The following GRXCR2 variants were observed in gnomAD, a reference collection of about 807,000 sequenced individuals.
GRXCR2 encodes the protein glutaredoxin domain-containing cysteine-rich protein 2.
A neutral mutation model predicts 24.8 loss-of-function variants in GRXCR2; 23 were observed. That is an observed-to-expected ratio of 0.93 (90% CI 0.67 to 1.32). The LOEUF (loss-of-function observed/expected upper bound fraction) is 1.32, where lower values mean the gene tolerates loss of function less well. Ranked by LOEUF, GRXCR2 falls within the 40% of genes most tolerant of loss-of-function variation. The pLI is 0.00. For synonymous variants in GRXCR2, 130 were observed against 116.1 expected (o/e 1.12, Z -0.77); for missense variants, 315 against 303.4 (o/e 1.04, Z -0.28).
At chr5:145,927,418 A>G (rs1449751555) in intron 2 of GRXCR2, among the ~76,000 whole-genome samples, 4 of 152,150 alleles carry the variant, frequency 2.6e-5, no homozygotes, top group African/African-American at 9.7e-5. Context: ...TAACTAATTT[A>G]TTGAGAGTTT....
chr5:145,863,651 A>G (rs1373327099), intron 2 of GRXCR2, among the ~76,000 whole-genome samples: 1 of 152,130 alleles, frequency 6.6e-6, no homozygotes. Context: ...GCCTGCTGCC[A>G]GGTTAGGTTC....
intron 2 of GRXCR2, among the ~76,000 whole-genome samples, chr5:145,899,333 CA>C (rs1450159158): frequency 6.6e-6 from 1 of 152,068 alleles, no homozygotes; most frequent in Non-Finnish European, 1.5e-5. Flanking sequence ...CCTTATTGCC[CA>C]AAGCAATCTA....
rs776292091 is a variant in GRXCR2, at chr5:145,866,541, AC to A, written c.523del (p.Val175TrpfsTer56). On this transcript the variant is annotated frameshift_variant, in exon 2 of 3. Coordinates refer to ENST00000377976, the MANE Select transcript of GRXCR2 (RefSeq NM_001080516.2). LOFTEE classifies it high-confidence loss of function. ...TTGGGGTAATGTGCTTTCTGCCTCC[AC>A]CAAAGGTCTATCGTGCTGGTCCCTG... The part of the protein sequence containing the change: ...GGRDQHDRPL[V>X]EAESTLPQNR... 3 of 1,614,130 alleles carry A rather than the reference AC, an allele frequency of 1.9e-6. No individual in the cohort carries two copies. Among genetic ancestry groups the A allele is most frequent in the Non-Finnish European group, 1.7e-6 (2 of 1,179,994 alleles).
chr5:145,922,836 C>T (rs1757340824), intron 2 of GRXCR2, among the ~76,000 whole-genome samples: 1 of 152,198 alleles, frequency 6.6e-6, no homozygotes, highest in Non-Finnish European at 1.5e-5. Flanking sequence ...CCAGAACTAG[C>T]CCTAGTCTGT....
intron 2 of GRXCR2, among the ~76,000 whole-genome samples, chr5:145,902,106 T>G (rs1343914042): frequency 6.6e-6 from 1 of 152,140 alleles, no homozygotes; most frequent in Non-Finnish European, 1.5e-5. Flanking sequence ...GTCTTCTTTT[T>G]TTTTAGAGAG....
intron 2 of GRXCR2, among the ~76,000 whole-genome samples, chr5:145,921,861 A>T (rs1757326071): frequency 6.6e-6 from 1 of 152,190 alleles, no homozygotes; most frequent in Non-Finnish European, 1.5e-5. Flanking sequence ...CCCAGCCATC[A>T]TTTTGTAGAT....
At chr5:145,884,284 A>T (rs1375717208) in intron 2 of GRXCR2, among the ~76,000 whole-genome samples, 1 of 152,152 alleles carries the variant, frequency 6.6e-6, no homozygotes, top group Non-Finnish European at 1.5e-5. Flanking sequence ...CTCATCAAAA[A>T]GTCAATATAT....
At chr5:145,893,067 C>T (rs905421290) in intron 2 of GRXCR2, among the ~76,000 whole-genome samples, 3 of 152,160 alleles carry the variant, frequency 2.0e-5, no homozygotes, top group African/African-American at 4.8e-5. Context: ...AAATACTTTA[C>T]AGACAAGCAA....
intron 2 of GRXCR2, among the ~76,000 whole-genome samples, chr5:145,861,153 T>C (rs970968179): frequency 1.3e-5 from 2 of 152,218 alleles, no homozygotes; most frequent in East Asian, 3.9e-4. Flanking sequence ...CCCAGCCCAA[T>C]TGCCCACTGA....
At position 145,872,828 on chromosome 5, in the gene GRXCR2, C is replaced by T. The variant is rs754359047; in HGVS notation, c.141G>A (p.Glu47=). The T allele has an allele frequency of 1.2e-6, 2 of 1,614,142 alleles. No individual in the cohort carries two copies. The highest frequency in any genetic ancestry group is 2.2e-5 in the East Asian group (1 of 44,878). The change falls in exon 1 of 3, where the codon GAG becomes GAA. Residue 47 remains glutamate, a synonymous_variant. Transcript: ENST00000377976. ...EDGQELESPK[E]EYPHSFLQES... ...CTTGCAGAAAACTGTGAGGGTATTC[C>T]TCCTTTGGTGACTCTAATTCCTGCC...
At chr5:145,872,093 C>A (rs1410746183) in intron 1 of GRXCR2, among the ~76,000 whole-genome samples, 1 of 152,174 alleles carries the variant, frequency 6.6e-6, no homozygotes, top group Non-Finnish European at 1.5e-5. Flanking sequence ...TTGCGTTTCA[C>A]CATCCCTTCC....
At chr5:145,930,459 A>C (rs1757463507) in intron 2 of GRXCR2, among the ~76,000 whole-genome samples, 1 of 152,196 alleles carries the variant, frequency 6.6e-6, no homozygotes, top group Admixed American at 6.5e-5. Flanking sequence ...GTGATATTTT[A>C]TTATTTTATT....
chr5:145,862,256 AT>A (rs1756351186), intron 2 of GRXCR2, among the ~76,000 whole-genome samples: 1 of 152,216 alleles, frequency 6.6e-6, no homozygotes, highest in Admixed American at 6.5e-5. Flanking sequence ...ATATTGAAAG[AT>A]TAATGAAATG....
intron 2 of GRXCR2, among the ~76,000 whole-genome samples, chr5:145,917,904 C>T (rs1224587193): frequency 6.6e-6 from 1 of 152,188 alleles, no homozygotes; most frequent in Non-Finnish European, 1.5e-5. Context: ...CTCAGCCTCC[C>T]AAGTAGCTGG....
Position 145,925,728 on chromosome 5 carries a change from A to T in GRXCR2, c.-70+9973T>A, listed in dbSNP as rs1757384845. Among the ~76,000 whole-genome samples the T allele has an allele frequency of 2.6e-5, 4 of 152,298 alleles. No individual in the cohort carries two copies. The South Asian group carries it at 8.3e-4, about 32-fold the overall frequency. On this transcript the variant is annotated intron_variant, in intron 2 of 3. Transcript: ENST00000639411. ...AGTGAGTAAATAATGAATATCATAT[A>T]ACTAATACATAATTAACACCATCAC...
At chr5:145,890,572 T>C (rs1308974562) in intron 2 of GRXCR2, among the ~76,000 whole-genome samples, 1 of 152,142 alleles carries the variant, frequency 6.6e-6, no homozygotes, top group African/African-American at 2.4e-5. Context: ...AAGCAAGCAC[T>C]GAGGGAATTT....
chr5:145,874,303 G>A (rs1166408350), upstream of GRXCR2, among the ~76,000 whole-genome samples: 1 of 151,218 alleles, frequency 6.6e-6, no homozygotes, highest in African/African-American at 2.4e-5. Flanking sequence ...TCCTGAGTTC[G>A]AGCAATTCTC....
chr5:145,907,859 CAG>C (rs1298208459), intron 2 of GRXCR2, among the ~76,000 whole-genome samples: 1 of 152,168 alleles, frequency 6.6e-6, no homozygotes, highest in African/African-American at 2.4e-5. Context: ...GTGGGGAAGA[CAG>C]ACAGGAGCAA....
intron 2 of GRXCR2, among the ~76,000 whole-genome samples, chr5:145,906,204 C>T (rs960092565): frequency 6.6e-6 from 1 of 152,172 alleles, no homozygotes; most frequent in Admixed American, 6.5e-5. Flanking sequence ...CCCACTCTCT[C>T]ACTCTCCTCT....
Sources: gnomAD v4.1 joint callset for allele counts (sites outside exome capture counted in the v4.1 genomes callset) on GRCh38, gnomAD v4.1.1 for gene constraint, MANE v1.5 for transcripts, NCBI Gene and HGNC (gene_info 2026-07-23, HGNC 2026-07-21) for gene names.